SIPA1L1: variants seen among roughly 807,000 people sequenced by gnomAD.
SIPA1L1 encodes signal-induced proliferation-associated 1-like protein 1.
SIPA1L1 carries 26 observed loss-of-function variants against 162.7 expected under a neutral mutation model. That is an observed-to-expected ratio of 0.16 (90% confidence interval 0.12 to 0.22). The LOEUF (loss-of-function observed/expected upper bound fraction) is 0.22. Ranked by LOEUF, SIPA1L1 falls within the 10% of genes least tolerant of loss-of-function variation. The probability of loss-of-function intolerance (pLI) is 1.00; values close to 1 mark genes in which losing one functional copy is unlikely to be tolerated. For synonymous variants in SIPA1L1, 829 were observed against 837.4 expected, an observed-to-expected ratio of 0.99 and a Z score of 0.17; for missense variants, 1,874 against 2,241.0, an observed-to-expected ratio of 0.84 and a Z score of 3.31.
intron 2 of SIPA1L1, among the ~76,000 whole-genome samples, chr14:71,432,776 A>T (rs1238872196): frequency 1.3e-5 from 2 of 152,246 alleles, no homozygotes; most frequent in African/African-American, 2.4e-5. Flanking sequence ...ATTGTACAAC[A>T]TGCACATTTT....
intron 5 of SIPA1L1, among the ~76,000 whole-genome samples, chr14:71,593,729 T>C (rs767337756): frequency 6.6e-6 from 1 of 152,178 alleles, no homozygotes; most frequent in African/African-American, 2.4e-5. Flanking sequence ...TGTGTTCTCC[T>C]TGAATCCTAT....
chr14:71,640,014 G>A (rs1041457872), intron 7 of SIPA1L1, among the ~76,000 whole-genome samples: 16 of 151,986 alleles, frequency 1.1e-4, no homozygotes, highest in African/African-American at 3.4e-4. Flanking sequence ...AGCAATTCTC[G>A]TGCCTCAGTC....
In SIPA1L1 at chr14:71,369,944, C is replaced by T. The variant is rs1296696279; in HGVS notation, c.-465+48763C>T. On this transcript the variant is annotated intron_variant, in intron 2 of 23. Transcript: ENST00000381232. ...AAGCAATTGTGAATGGGAGTTCACT[C>T]ATGATTTGGCTCTCTGTTTGTCTGT... Among the ~76,000 whole-genome samples, 17 of 124,842 alleles carry T rather than the reference C, an allele frequency of 1.4e-4. No individual in the cohort carries two copies. In the East Asian group the frequency reaches 3.7e-3, roughly 27 times the overall value. 81.9% of individuals were successfully genotyped at this position (124,842 alleles called of 152,430 possible).
chr14:71,662,828 G>A (rs2043651449), intron 10 of SIPA1L1, among the ~76,000 whole-genome samples: 1 of 152,180 alleles, frequency 6.6e-6, no homozygotes, highest in Non-Finnish European at 1.5e-5. Context: ...GTTAGTTGTA[G>A]AATGAAAGCA....
intron 12 of SIPA1L1, among the ~76,000 whole-genome samples, chr14:71,677,031 T>A (rs540777005): frequency 6.6e-6 from 1 of 152,308 alleles, no homozygotes; most frequent in East Asian, 1.9e-4. Context: ...TAGTTCTAGA[T>A]CCTTGAGGAA....
At chr14:71,705,424 C>G in intron 16 of SIPA1L1, 84 bp downstream of exon 16, 2 of 992,446 alleles carry the variant, frequency 2.0e-6, no homozygotes, top group African/African-American at 3.2e-5. Flanking sequence ...GCTCTTTCCT[C>G]TGCATGGCCA....
intron 2 of SIPA1L1, among the ~76,000 whole-genome samples, chr14:71,486,541 G>T (rs749609792): frequency 6.6e-6 from 1 of 152,198 alleles, no homozygotes; most frequent in South Asian, 2.1e-4. Flanking sequence ...CACTTTGCCA[G>T]CCCAAATAAA....
rs147886831 is a variant in SIPA1L1 at position 71,467,865 on chromosome 14, A to G, written c.-464-44878A>G. On this transcript the variant is annotated intron_variant, in intron 2 of 23. Coordinates refer to ENST00000381232, the MANE Select transcript of SIPA1L1 (RefSeq NM_001386936.1). ...ACCCCCATCTCTTAAAAAAAAAAAA[A>G]AAAAGAAAGAAAAAGTATTGGCTTC... Among the ~76,000 whole-genome samples, 210 of 151,852 alleles carry G rather than the reference A, an allele frequency of 1.4e-3. 1 individual carries two copies. Among genetic ancestry groups the G allele is most frequent in the Non-Finnish European group, 2.5e-3 (167 of 67,940 alleles).
At chr14:71,683,590 C>A (rs1241310184) in intron 12 of SIPA1L1, among the ~76,000 whole-genome samples, 1 of 152,014 alleles carries the variant, frequency 6.6e-6, no homozygotes, top group East Asian at 1.9e-4. Context: ...TAAACTATAC[C>A]ACAGTGTATT....
intron 4 of SIPA1L1, among the ~76,000 whole-genome samples, chr14:71,547,159 T>C (rs2055295214): frequency 6.6e-6 from 1 of 152,156 alleles, no homozygotes; most frequent in African/African-American, 2.4e-5. Flanking sequence ...TTCTATGGAA[T>C]GTTATATGTG....
At chr14:71,448,691 C>T (rs1595517269) in intron 2 of SIPA1L1, 2 of 95,178 alleles carry the variant, frequency 2.1e-5, no homozygotes, top group East Asian at 9.7e-4. Flanking sequence ...AATTGTAAGC[C>T]GGGTGTTGTA....
chr14:71,405,972 A>G (rs2042001580), intron 2 of SIPA1L1, among the ~76,000 whole-genome samples: 1 of 152,186 alleles, frequency 6.6e-6, no homozygotes, highest in South Asian at 2.1e-4. Flanking sequence ...CAGTCTGACT[A>G]CTCTGTGGAA....
At chr14:71,539,749 G>A (rs1426422595) in intron 4 of SIPA1L1, among the ~76,000 whole-genome samples, 2 of 152,212 alleles carry the variant, frequency 1.3e-5, no homozygotes, top group African/African-American at 2.4e-5. Flanking sequence ...GATTTGAAGA[G>A]CTCTTCCCAT....
intron 2 of SIPA1L1, among the ~76,000 whole-genome samples, chr14:71,384,162 T>C (rs916682035): frequency 2.0e-5 from 3 of 152,244 alleles, no homozygotes; most frequent in South Asian, 2.1e-4. Context: ...GCATTATTGC[T>C]GAATAAAGAT....
intron 2 of SIPA1L1, among the ~76,000 whole-genome samples, chr14:71,474,431 T>G (rs896761579): frequency 1.3e-5 from 2 of 152,218 alleles, no homozygotes; most frequent in African/African-American, 4.8e-5. Context: ...CCTTTGCAAG[T>G]AATTGACTTT....
intron 12 of SIPA1L1, among the ~76,000 whole-genome samples, chr14:71,683,557 C>G (rs568492633): frequency 1.3e-5 from 2 of 152,268 alleles, no homozygotes; most frequent in Admixed American, 1.3e-4. Context: ...AAACGAAAGG[C>G]TGTAGTCACA....
At chr14:71,634,538 C>T (rs1442416904) in intron 7 of SIPA1L1, among the ~76,000 whole-genome samples, 1 of 151,652 alleles carries the variant, frequency 6.6e-6, no homozygotes, top group Non-Finnish European at 1.5e-5. Flanking sequence ...AACTGTCAAC[C>T]CAGAATTCTG....
chr14:71,558,875 G>A (rs781063853), intron 4 of SIPA1L1, among the ~76,000 whole-genome samples: 4 of 152,002 alleles, frequency 2.6e-5, no homozygotes, highest in Non-Finnish European at 4.4e-5. Context: ...GTAGAGACAC[G>A]GTCTTGCTGT....
intron 17 of SIPA1L1, among the ~76,000 whole-genome samples, chr14:71,715,291 C>T (rs987323605): frequency 2.6e-5 from 4 of 152,220 alleles, no homozygotes; most frequent in Non-Finnish European, 5.9e-5. Context: ...TGGCTTGTCC[C>T]TCATCTGTAA....
Sources: gnomAD v4.1 joint callset for allele counts (sites outside exome capture counted in the v4.1 genomes callset) on GRCh38, gnomAD v4.1.1 for gene constraint, MANE v1.5 for transcripts, NCBI Gene and HGNC (gene_info 2026-07-23, HGNC 2026-07-21) for gene names.